VTI1A: variants seen among roughly 807,000 people sequenced by gnomAD.
VTI1A encodes the protein vesicle transport through interaction with t-SNAREs 1A, also known as vesicle transport through interaction with t-SNAREs homolog 1A.
In VTI1A, 22 loss-of-function variants were observed where a neutral mutation model predicts 34.9. The ratio of observed to expected loss-of-function variants is 0.63; its 90% CI spans 0.45 to 0.90. The LOEUF is 0.90. Ranked by LOEUF, VTI1A falls within the 40% of genes least tolerant of loss-of-function variation. The pLI, the probability that VTI1A is intolerant of heterozygous loss-of-function variation, is 0.00. For synonymous variants in VTI1A, 87 were observed against 97.3 expected (o/e 0.89, Z 0.62); for missense variants, 268 against 275.6 (o/e 0.97, Z 0.20).
At chr10:112,853,382 G>A in the VTI1A span, among the ~76,000 whole-genome samples, 4 of 152,200 alleles carry the variant, frequency 2.6e-5, no homozygotes, top group African/African-American at 9.7e-5. Flanking sequence ...GGGTCTGATA[G>A]TGGGCAAGGT....
intron 7 of VTI1A, among the ~76,000 whole-genome samples, chr10:112,787,415 C>G (rs569132477): frequency 2.6e-5 from 4 of 152,208 alleles, no homozygotes; most frequent in African/African-American, 9.6e-5. Flanking sequence ...CTAACCCTTA[C>G]TCCTTTTTAT....
At chr10:112,841,384 A>G in the VTI1A span, among the ~76,000 whole-genome samples, 3 of 152,214 alleles carry the variant, frequency 2.0e-5, no homozygotes, top group Admixed American at 1.3e-4. Context: ...GTTCATCCAT[A>G]CTTAGTCTTT....
intron 5 of VTI1A, among the ~76,000 whole-genome samples, chr10:112,661,774 T>G (rs1198669038): frequency 1.4e-5 from 2 of 147,972 alleles, no homozygotes; most frequent in Non-Finnish European, 3.0e-5. Context: ...GTTTTTTTTT[T>G]TTTTTTTTTT....
intron 5 of VTI1A, among the ~76,000 whole-genome samples, chr10:112,559,578 C>T (rs990227595): frequency 1.3e-5 from 2 of 152,154 alleles, no homozygotes; most frequent in Admixed American, 1.3e-4. Context: ...CCTCTTCTTC[C>T]CTCACCCTAC....
chr10:112,595,511 C>T (rs982135866), intron 5 of VTI1A, among the ~76,000 whole-genome samples: 7 of 152,072 alleles, frequency 4.6e-5, no homozygotes, highest in Admixed American at 6.6e-5. Context: ...AGGACATGAA[C>T]GACACTTCTC....
At chr10:112,584,887 T>C (rs934860239) in intron 5 of VTI1A, among the ~76,000 whole-genome samples, 2 of 152,198 alleles carry the variant, frequency 1.3e-5, no homozygotes, top group African/African-American at 4.8e-5. Context: ...AAATAGTACA[T>C]TTAAATCTGT....
At chr10:112,683,548 T>A (rs1848294977) in intron 7 of VTI1A, among the ~76,000 whole-genome samples, 1 of 152,164 alleles carries the variant, frequency 6.6e-6, no homozygotes, top group South Asian at 2.1e-4. Flanking sequence ...AATAAAAAAA[T>A]TGTTTTTAAT....
chr10:112,800,417 G>A (rs910453594), intron 7 of VTI1A, among the ~76,000 whole-genome samples: 2 of 152,260 alleles, frequency 1.3e-5, no homozygotes, highest in African/African-American at 4.8e-5. Flanking sequence ...GCAGGAGGCT[G>A]CCTGCATGTG....
Position 112,468,391 on chromosome 10 carries a change from T to C in VTI1A, c.264+3734T>C, listed in dbSNP as rs114372761. ...AATGAATGGAGAATATTTAAAGATA[T>C]TTGATAACTTTCGTATGCTGACATG... is the stretch of plus-strand genomic sequence containing the variant. On this transcript the variant is annotated intron_variant, in intron 3 of 7. Coordinates refer to ENST00000393077, the MANE Select transcript of VTI1A (RefSeq NM_145206.4). Among the ~76,000 whole-genome samples, 1,053 of 152,280 alleles carry C rather than the reference T, an allele frequency of 6.9e-3. 14 individuals carry two copies. Among genetic ancestry groups the C allele is most frequent in the African/African-American group, 0.025 (1,023 of 41,546 alleles).
At position 112,527,123 on chromosome 10, in the gene VTI1A, A is replaced by C. The variant is rs763683063; in HGVS notation, c.301A>C (p.Asn101His). 2 of 1,613,356 alleles carry C rather than the reference A, an allele frequency of 1.2e-6. No homozygotes were observed. The highest frequency in any genetic ancestry group is 4.5e-5 in the East Asian group (2 of 44,870). The change falls in exon 4 of 8, where the codon AAT (asparagine) becomes CAT (histidine). Residue 101 changes from asparagine (N) to histidine (H), a missense_variant. By Grantham distance (68) the Asn-to-His change is moderately conservative (BLOSUM62 1). Coordinates refer to ENST00000393077, the MANE Select transcript of VTI1A (RefSeq NM_145206.4). ...GATCGCCTACAGTGACGAAGTACGG[A>C]ATGAGCTCCTGGGGGATGATGGGAA... The part of the protein sequence containing the change: ...SRIAYSDEVR[N>H]ELLGDDGNSS...
intron 7 of VTI1A, among the ~76,000 whole-genome samples, chr10:112,755,988 C>T (rs1851271263): frequency 6.6e-6 from 1 of 151,886 alleles, no homozygotes; most frequent in African/African-American, 2.4e-5. Flanking sequence ...AAGTACTGTA[C>T]CAAAAGCAGC....
chr10:112,841,271 G>A, the VTI1A span, among the ~76,000 whole-genome samples: 1 of 152,162 alleles, frequency 6.6e-6, no homozygotes, highest in Non-Finnish European at 1.5e-5. Flanking sequence ...GGGCTAACAG[G>A]GTAAGTGACA....
chr10:112,676,554 G>A (rs1174401049), intron 7 of VTI1A, among the ~76,000 whole-genome samples: 9 of 152,118 alleles, frequency 5.9e-5, no homozygotes, highest in African/African-American at 2.2e-4. Context: ...TAGTCTCATC[G>A]CTAAGGTTTT....
intron 7 of VTI1A, among the ~76,000 whole-genome samples, chr10:112,714,628 T>C (rs1428139001): frequency 6.6e-6 from 1 of 152,188 alleles, no homozygotes; most frequent in East Asian, 1.9e-4. Context: ...ATTTTACTGA[T>C]ATGGTTGTTT....
chr10:112,533,595 C>T (rs1850521716), intron 4 of VTI1A: 2 of 999,392 alleles, frequency 2.0e-6, no homozygotes, highest in Non-Finnish European at 1.2e-6. Flanking sequence ...TCTGCTTTTC[C>T]CTATAAAATT....
chr10:112,692,386 T>C (rs760891259), intron 7 of VTI1A, among the ~76,000 whole-genome samples: 44 of 152,238 alleles, frequency 2.9e-4, no homozygotes, highest in Admixed American at 9.2e-4. Flanking sequence ...GCCATGTCAG[T>C]GTCTTTCCCC....
chr10:112,716,517 G>C (rs1006802534), intron 7 of VTI1A, among the ~76,000 whole-genome samples: 3 of 152,112 alleles, frequency 2.0e-5, no homozygotes, highest in Admixed American at 2.0e-4. Context: ...TCCTGGAGTT[G>C]GTGATACCTG....
intron 5 of VTI1A, among the ~76,000 whole-genome samples, chr10:112,662,919 TCTTACAAACAAACAA>T (rs1479219921): frequency 2.1e-5 from 3 of 146,194 alleles, no homozygotes; most frequent in Non-Finnish European, 4.5e-5. Flanking sequence ...TTATGCTTCT[TCTTACAAACAAACAA>T]ACAAACAAAC....
Sources: allele counts gnomAD v4.1 joint callset (sites outside exome capture counted in the v4.1 genomes callset), GRCh38; gene constraint gnomAD v4.1.1; transcripts MANE v1.5; gene names NCBI Gene and HGNC (gene_info 2026-07-23, HGNC 2026-07-21).